FOCAD: variants seen among roughly 807,000 people sequenced by gnomAD.
The protein encoded by FOCAD is focadhesin, also known as KIAA1797.
FOCAD carries 198 observed loss-of-function variants against 225.6 expected under a neutral mutation model. The observed-to-expected ratio is 0.88, with a 90% CI of 0.78 to 0.99. FOCAD has a LOEUF of 0.99. Ranked by LOEUF, FOCAD falls within the 50% of genes least tolerant of loss-of-function variation. FOCAD has a pLI of 0.00. For missense variants in FOCAD, 2,713 were observed against 2,123.6 expected, an observed-to-expected ratio of 1.28 and a Z score of -5.46; for synonymous variants, 897 against 755.0, an observed-to-expected ratio of 1.19 and a Z score of -3.08.
chr9:20,664,389 A>G (rs577752928), intron 2 of FOCAD, among the ~76,000 whole-genome samples: 80 of 151,460 alleles, frequency 5.3e-4, no homozygotes, highest in African/African-American at 1.7e-3. Context: ...TAATGGTTCA[A>G]CAAATCAGAC....
intron 8 of FOCAD, among the ~76,000 whole-genome samples, chr9:20,776,546 T>C (rs1467133786): frequency 6.6e-6 from 1 of 152,240 alleles, no homozygotes; most frequent in Non-Finnish European, 1.5e-5. Context: ...TTACTTTTCC[T>C]TATTTTTGAT....
chr9:20,668,217 G>C (rs1424752548), intron 2 of FOCAD, among the ~76,000 whole-genome samples: 4 of 152,000 alleles, frequency 2.6e-5, no homozygotes. Flanking sequence ...GTTCATTGCT[G>C]AATACTTTTA....
At chr9:20,888,722 T>C (rs998639030) in intron 21 of FOCAD, among the ~76,000 whole-genome samples, 4 of 152,116 alleles carry the variant, frequency 2.6e-5, no homozygotes, top group African/African-American at 9.7e-5. Flanking sequence ...GGCGGGTCTT[T>C]CCTGCACTGT....
At position 20,967,620 on chromosome 9, in the gene FOCAD, T is replaced by G. The variant is rs542838005; in HGVS notation, c.4133-8800T>G. 7.2e-5 allele frequency among the ~76,000 whole-genome samples: 11 copies of G among 152,294 alleles called. No individual in the cohort carries two copies. In the East Asian group the frequency reaches 2.1e-3, roughly 29 times the overall value. On this transcript the variant is annotated intron_variant, in intron 35 of 43. Coordinates refer to ENST00000338382, the MANE Select transcript of FOCAD (RefSeq NM_001375567.1). ...TCAGTTTTTCACCATTGAGTATGAT[T>G]TAACTGTGAGTTTTTCACAGTTTTT...
intron 21 of FOCAD, among the ~76,000 whole-genome samples, chr9:20,890,911 T>G (rs186817778): frequency 3.9e-5 from 6 of 152,230 alleles, no homozygotes; most frequent in Admixed American, 2.6e-4. Flanking sequence ...CACACCTCAT[T>G]TTGTTGCACT....
intron 28 of FOCAD, among the ~76,000 whole-genome samples, chr9:20,941,453 A>G (rs1271676033): frequency 2.0e-5 from 3 of 152,194 alleles, no homozygotes; most frequent in East Asian, 1.9e-4. Flanking sequence ...TAATTATTAG[A>G]TGGCCTAGTA....
chr9:20,882,589 A>T (rs899289736), intron 20 of FOCAD, among the ~76,000 whole-genome samples: 6 of 152,206 alleles, frequency 3.9e-5, no homozygotes, highest in African/African-American at 1.4e-4. Flanking sequence ...TTGATACTGA[A>T]GATCTGCAAC....
At chr9:20,934,877 C>CA (rs745910548) in intron 28 of FOCAD, among the ~76,000 whole-genome samples, 173 of 149,004 alleles carry the variant, frequency 1.2e-3, no homozygotes, top group South Asian at 4.3e-3. Flanking sequence ...ACAATAGCTG[C>CA]AAAAAAAAAT....
At chr9:20,820,037 T>G (rs1219190485) in intron 12 of FOCAD, 137 bp downstream of exon 12, 1 of 534,536 alleles carries the variant, frequency 1.9e-6, no homozygotes, top group Non-Finnish European at 3.3e-6. Flanking sequence ...GGAGGTAATA[T>G]CTAAAGACAA....
rs779606890 is a variant in FOCAD at position 20,885,060 on chromosome 9, AAAAAATAAAAAT to A, written c.2504-38_2504-27del. 7.9e-5 allele frequency: 91 copies of A among 1,145,764 alleles called. No homozygotes were observed. In the African/African-American group the frequency reaches 1.4e-3, roughly 18 times the overall value. 71.0% of individuals were successfully genotyped at this position (1,145,764 alleles called of 1,614,324 possible). A position where few individuals can be genotyped will look rare whatever the true frequency, so the allele number is the denominator to read the frequency against. ...GGCAACAGAGTGAGATTCTGTCTTAAAAAAATAAAAATAAAAATAAAATAAAGTCTATATAAT... is the reference window on the plus strand; with the variant it reads ...GGCAACAGAGTGAGATTCTGTCTTAAAAAAATAAAATAAAGTCTATATAAT... On this transcript the variant is annotated intron_variant, in intron 20 of 43. Transcript: ENST00000338382.
intron 8 of FOCAD, among the ~76,000 whole-genome samples, chr9:20,774,227 C>G (rs1225025394): frequency 1.3e-5 from 2 of 152,172 alleles, no homozygotes; most frequent in Non-Finnish European, 2.9e-5. Flanking sequence ...TTATGTGTTT[C>G]TCTGTTCAAA....
intron 8 of FOCAD, among the ~76,000 whole-genome samples, chr9:20,772,103 G>T (rs1818300066): frequency 6.6e-6 from 1 of 152,220 alleles, no homozygotes; most frequent in Non-Finnish European, 1.5e-5. Flanking sequence ...AGACATAGAA[G>T]ACAGAATCAG....
chr9:20,923,728 A>C lies in FOCAD; in HGVS notation c.2921A>C (p.His974Pro). The change falls in exon 25 of 44, where the codon CAT becomes CCT. Residue 974 changes from histidine to proline, a missense_variant. Coordinates refer to ENST00000338382, the MANE Select transcript of FOCAD (RefSeq NM_001375567.1). Reference protein sequence around the residue: ...LSSLAVVVSRHEASLSSDSDG... With the variant: ...LSSLAVVVSRPEASLSSDSDG... ...AGCCTTGCTGTCGTCGTATCTAGAC[A>C]TGAAGCCAGCCTCTCCTCAGACTCT... is the stretch of plus-strand genomic sequence containing the variant. 6.2e-7 allele frequency: 1 copy of C among 1,613,980 alleles called. No individual in the cohort carries two copies. The highest frequency in any genetic ancestry group is 8.5e-7 in the Non-Finnish European group (1 of 1,179,948).
intron 21 of FOCAD, among the ~76,000 whole-genome samples, chr9:20,893,845 C>T (rs1208621803): frequency 6.6e-6 from 1 of 152,034 alleles, no homozygotes; most frequent in Non-Finnish European, 1.5e-5. Flanking sequence ...ATATTTGTTA[C>T]AAATAATGAA....
intron 18 of FOCAD, among the ~76,000 whole-genome samples, chr9:20,867,510 A>G (rs1829393762): frequency 6.6e-6 from 1 of 152,098 alleles, no homozygotes; most frequent in African/African-American, 2.4e-5. Context: ...ATAGTGTGAT[A>G]TTCAGTTAGG....
intron 1 of FOCAD, among the ~76,000 whole-genome samples, chr9:20,693,508 G>A (rs1258885287): frequency 6.6e-6 from 1 of 152,132 alleles, no homozygotes; most frequent in Admixed American, 6.5e-5. Flanking sequence ...TAAGGGCAGG[G>A]ATTTTTCTCT....
intron 5 of FOCAD, among the ~76,000 whole-genome samples, chr9:20,751,956 C>T (rs36149579): frequency 0.15 from 20,481 of 139,182 alleles, 1,878 homozygotes; most frequent in Non-Finnish European, 0.2. Flanking sequence ...TAAATGTTGT[C>T]TTTTGAGAAG....
intron 5 of FOCAD, among the ~76,000 whole-genome samples, chr9:20,745,878 C>T (rs35740725): frequency 0.097 from 14,744 of 152,098 alleles, 858 homozygotes; most frequent in East Asian, 0.24. Context: ...GATGATTGTA[C>T]CCTGAGTAGA....
chr9:20,790,948 A>G (rs1158533332), intron 11 of FOCAD, among the ~76,000 whole-genome samples: 1 of 152,120 alleles, frequency 6.6e-6, no homozygotes, highest in East Asian at 1.9e-4. Flanking sequence ...TAATGTACTC[A>G]AAATACTTTT....
Sources: allele counts gnomAD v4.1 joint callset (sites outside exome capture counted in the v4.1 genomes callset), GRCh38; gene constraint gnomAD v4.1.1; transcripts MANE v1.5; gene names NCBI Gene and HGNC (gene_info 2026-07-23, HGNC 2026-07-21).